SLC2A9: variants seen among roughly 807,000 people sequenced by gnomAD.
SLC2A9 encodes solute carrier family 2 member 9, also known as solute carrier family 2, facilitated glucose transporter member 9.
SLC2A9 carries 39 observed loss-of-function variants against 50.6 expected under a neutral mutation model. The ratio of observed to expected loss-of-function variants is 0.77; its 90% confidence interval spans 0.60 to 1.01. SLC2A9 has a LOEUF of 1.01. Ranked by LOEUF, SLC2A9 falls within the 50% of genes least tolerant of loss-of-function variation. The pLI, the probability that SLC2A9 is intolerant of heterozygous loss-of-function variation, is 0.00. For missense variants in SLC2A9, 686 were observed against 677.6 expected, an observed-to-expected ratio of 1.01 and a Z score of -0.14; for synonymous variants, 324 against 276.9, an observed-to-expected ratio of 1.17 and a Z score of -1.69.
At chr4:9,864,144 G>A (rs1013280708) in intron 10 of SLC2A9, among the ~76,000 whole-genome samples, 10 of 151,902 alleles carry the variant, frequency 6.6e-5, no homozygotes, top group African/African-American at 2.4e-4. Flanking sequence ...CCCTTTCTTT[G>A]GTTTCTTGGC....
chr4:9,848,958 T>A (rs1356889688), intron 10 of SLC2A9, among the ~76,000 whole-genome samples: 1 of 152,208 alleles, frequency 6.6e-6, no homozygotes, highest in Non-Finnish European at 1.5e-5. Flanking sequence ...TGCCTCGGCC[T>A]CCCGAAGTGC....
In SLC2A9 at chr4:9,801,385, C is replaced by T. The variant is rs540197256; in HGVS notation, n.421-2144G>A. Among the ~76,000 whole-genome samples the T allele has an allele frequency of 4.6e-5, 7 of 152,292 alleles. No individual in the cohort carries two copies. In the South Asian group the frequency reaches 8.3e-4, roughly 18 times the overall value. ...AGTGGTTTCTTCCAGCAGTAGCTAC[C>T]GCTAACTGAGGATAATTATAACCTC... On this transcript the variant is annotated intron_variant and non_coding_transcript_variant, in intron 3 of 3. Transcript: ENST00000503280.
At chr4:9,797,275 A>G (rs1720704985), downstream of SLC2A9, among the ~76,000 whole-genome samples, 1 of 152,172 alleles carries the variant, frequency 6.6e-6, no homozygotes, top group Admixed American at 6.5e-5. Context: ...CAGTATCACT[A>G]TCCTTATTTT....
intron 7 of SLC2A9, among the ~76,000 whole-genome samples, chr4:9,910,445 G>A (rs1741514042): frequency 6.6e-6 from 1 of 152,246 alleles, no homozygotes; most frequent in Non-Finnish European, 1.5e-5. Flanking sequence ...CACCGTCAGG[G>A]TTGGATTCCA....
At chr4:9,906,927 C>T (rs1740790627) in intron 8 of SLC2A9, among the ~76,000 whole-genome samples, 1 of 152,108 alleles carries the variant, frequency 6.6e-6, no homozygotes, top group Non-Finnish European at 1.5e-5. Flanking sequence ...GGGAAAGAGA[C>T]AAAACATCAT....
intron 5 of SLC2A9, among the ~76,000 whole-genome samples, chr4:9,943,223 C>A (rs1409820261): frequency 4.6e-5 from 7 of 152,196 alleles, no homozygotes; most frequent in Non-Finnish European, 1.0e-4. Context: ...CCCCAGGGCT[C>A]AGAGTGAGTG....
chr4:9,985,575 C>A, intron 4 of SLC2A9, 94 bp downstream of exon 4: 1 of 1,533,312 alleles, frequency 6.5e-7, no homozygotes, highest in South Asian at 1.2e-5. Context: ...CAGCAGAGAG[C>A]CCCAGTCATG....
intron 1 of SLC2A9, among the ~76,000 whole-genome samples, chr4:10,038,328 T>G (rs1764172170): frequency 1.3e-5 from 2 of 151,594 alleles, no homozygotes; most frequent in South Asian, 2.1e-4. Flanking sequence ...GCCAACATGG[T>G]GAAACCCAGT....
At chr4:9,813,137 G>GT (rs773997555) in intron 3 of SLC2A9, among the ~76,000 whole-genome samples, 2 of 152,148 alleles carry the variant, frequency 1.3e-5, no homozygotes, top group Non-Finnish European at 2.9e-5. Context: ...TCAGAATTGA[G>GT]TTTTTTCTGC....
downstream of SLC2A9, among the ~76,000 whole-genome samples, chr4:9,796,440 C>T (rs779248824): frequency 1.3e-5 from 2 of 152,136 alleles, no homozygotes; most frequent in Non-Finnish European, 2.9e-5. Context: ...GACAAGATGC[C>T]TCAATTCTAA....
intron 3 of SLC2A9, among the ~76,000 whole-genome samples, chr4:9,799,645 C>T (rs114529821): frequency 2.4e-3 from 355 of 147,936 alleles, no homozygotes; most frequent in Non-Finnish European, 4.3e-3. Flanking sequence ...CTCAGTCTTA[C>T]GTAAATGACT....
intron 8 of SLC2A9, among the ~76,000 whole-genome samples, chr4:9,900,379 CAG>C (rs1197781533): frequency 6.6e-6 from 1 of 152,088 alleles, no homozygotes; most frequent in African/African-American, 2.4e-5. Context: ...TCCCAAGAGT[CAG>C]AGGGTGAGCT....
rs989733165 is a variant in SLC2A9, at chr4:9,980,508, G to C, written c.681+84C>G. On this transcript the variant is annotated intron_variant, in intron 5 of 11. Coordinates refer to ENST00000264784, the MANE Select transcript of SLC2A9 (RefSeq NM_020041.3). ...AATACCAGAAATTGCAAAATACAGG[G>C]ACCAGCTTTTGGAGAAAAGGCTCCT... 28 of 1,594,358 alleles carry C rather than the reference G, an allele frequency of 1.8e-5. 1 individual carries two copies. The African/African-American group carries it at 2.0e-4, about 11-fold the overall frequency.
chr4:10,005,196 A>C (rs778500967), intron 2 of SLC2A9, among the ~76,000 whole-genome samples: 4 of 152,248 alleles, frequency 2.6e-5, no homozygotes, highest in African/African-American at 7.2e-5. Flanking sequence ...TAGGAAGCCA[A>C]GAAAGGCTGT....
chr4:10,007,426 T>C lies in SLC2A9; in HGVS notation c.250-10485A>G, dbSNP rs547801478. 2.0e-5 allele frequency among the ~76,000 whole-genome samples: 3 copies of C among 152,332 alleles called. No individual in the cohort carries two copies. The East Asian group carries it at 5.8e-4, about 29-fold the overall frequency. On this transcript the variant is annotated intron_variant, in intron 2 of 11. Coordinates refer to ENST00000264784, the MANE Select transcript of SLC2A9 (RefSeq NM_020041.3). Reference sequence around the variant, plus strand: ...AACATGATGAAAGAGGAAACATCAATTACAAGCAACAGCCAGGCAAGTAAG... The same window carrying C: ...AACATGATGAAAGAGGAAACATCAACTACAAGCAACAGCCAGGCAAGTAAG...
intron 3 of SLC2A9, among the ~76,000 whole-genome samples, chr4:9,792,195 G>T (rs1340927577): frequency 7.0e-6 from 1 of 143,136 alleles, no homozygotes; most frequent in Non-Finnish European, 1.5e-5. Context: ...TTGTGGCAGG[G>T]AGACAGGGTC....
chr4:9,905,067 A>C (rs139913154), intron 8 of SLC2A9, among the ~76,000 whole-genome samples: 15 of 152,234 alleles, frequency 9.9e-5, no homozygotes, highest in African/African-American at 3.1e-4. Flanking sequence ...TGCATGTGGT[A>C]ATTGTTTCCA....
rs115968953 is a variant in SLC2A9 at position 9,979,609 on chromosome 4, C to T, written c.681+983G>A. On this transcript the variant is annotated intron_variant, in intron 5 of 11. Coordinates refer to ENST00000264784, the MANE Select transcript of SLC2A9 (RefSeq NM_020041.3). Reference sequence around the variant, plus strand: ...TGCATCCTTCCCTTACCATGTGTACCAATAGCAGCAGCCCTCTGCCTCTCT... The same window carrying T: ...TGCATCCTTCCCTTACCATGTGTACTAATAGCAGCAGCCCTCTGCCTCTCT... Among the ~76,000 whole-genome samples the T allele has an allele frequency of 6.6e-3, 1,008 of 152,118 alleles. 8 individuals are homozygous for T. Among genetic ancestry groups the T allele is most frequent in the African/African-American group, 0.023 (967 of 41,492 alleles).
At chr4:10,002,517 G>C (rs749676301) in intron 2 of SLC2A9, among the ~76,000 whole-genome samples, 5 of 152,192 alleles carry the variant, frequency 3.3e-5, no homozygotes, top group Non-Finnish European at 7.3e-5. Flanking sequence ...ATTAAGATGT[G>C]AAAGTTAAGC....
Sources: gnomAD v4.1 joint callset for allele counts (sites outside exome capture counted in the v4.1 genomes callset) on GRCh38, gnomAD v4.1.1 for gene constraint, MANE v1.5 for transcripts, NCBI Gene and HGNC (gene_info 2026-07-23, HGNC 2026-07-21) for gene names.